SLC9A7: variants seen among roughly 807,000 people sequenced by gnomAD.
The protein encoded by SLC9A7 is sodium/hydrogen exchanger 7.
SLC9A7 carries 19 observed loss-of-function variants against 52.6 expected under a neutral mutation model. The ratio of observed to expected loss-of-function variants is 0.36; its 90% CI spans 0.25 to 0.53. SLC9A7 has a LOEUF of 0.53. Among genes scored for constraint, SLC9A7 ranks in the 20% least tolerant of loss-of-function variants. The pLI is 0.91. For synonymous variants in SLC9A7, 226 were observed against 252.1 expected, an observed-to-expected ratio of 0.90 and a Z score of 0.98; for missense variants, 455 against 597.9, an observed-to-expected ratio of 0.76 and a Z score of 2.49.
At chrX:46,758,625 A>G in intron 1 of SLC9A7, 80 bp downstream of exon 1, 1 of 603,852 alleles carries the variant, frequency 1.7e-6, no homozygotes, top group East Asian at 4.1e-5. Flanking sequence ...TGGCAAGTGA[A>G]GGGGGAGCAC....
At chrX:46,709,616 A>C (rs186492812) in intron 1 of SLC9A7, among the ~76,000 whole-genome samples, 99 of 111,762 alleles carry the variant, frequency 8.9e-4, no homozygotes, top group South Asian at 3.4e-3. Context: ...ACAACAACAA[A>C]AAAAAACCCT....
At chrX:46,672,726 T>C in intron 3 of SLC9A7, 99 bp from the exon 4 acceptor site, 1 of 585,503 alleles carries the variant, frequency 1.7e-6, no homozygotes, top group East Asian at 3.4e-5. Flanking sequence ...GGAACTCTAC[T>C]TACTGTTTCC....
At chrX:46,643,782 T>C (rs1943443646) in intron 11 of SLC9A7, among the ~76,000 whole-genome samples, 1 of 112,203 alleles carries the variant, frequency 8.9e-6, no homozygotes, top group African/African-American at 3.2e-5. Flanking sequence ...TACGAGTATG[T>C]CAAATTTGTG....
rs747973535 is a variant in SLC9A7 at position 46,739,919 on chromosome X, G to A, written c.325+18786C>T. Among the ~76,000 whole-genome samples, 4 of 111,527 alleles carry A rather than the reference G, an allele frequency of 3.6e-5. No homozygotes were observed. The South Asian group carries it at 1.5e-3, about 42-fold the overall frequency. ...AGACAATTGTCTTATTCATACCACT[G>A]GGGAGAATCATTCTGGCTCATTCAT... is the stretch of plus-strand genomic sequence containing the variant. On this transcript the variant is annotated intron_variant, in intron 1 of 16. Transcript: ENST00000616978.
chrX:46,653,487 G>A, intron 8 of SLC9A7, 122 bp downstream of exon 8: 4 of 438,454 alleles, frequency 9.1e-6, no homozygotes, highest in Non-Finnish European at 1.6e-5. Flanking sequence ...TCCTCCATAC[G>A]GACACTTGCT....
chrX:46,691,813 CT>C (rs1944384231), intron 1 of SLC9A7, among the ~76,000 whole-genome samples: 1 of 110,910 alleles, frequency 9.0e-6, no homozygotes, highest in South Asian at 3.8e-4. Context: ...CCATAACTTC[CT>C]TATTTGTCCC....
At chrX:46,738,553 T>C (rs1026241434) in intron 1 of SLC9A7, among the ~76,000 whole-genome samples, 4 of 112,127 alleles carry the variant, frequency 3.6e-5, no homozygotes, top group African/African-American at 1.3e-4. Flanking sequence ...GTGGATCACC[T>C]GAAGTCAGGA....
chrX:46,674,565 A>T (rs1944079213), intron 3 of SLC9A7, among the ~76,000 whole-genome samples: 1 of 111,605 alleles, frequency 9.0e-6, no homozygotes, highest in Non-Finnish European at 1.9e-5. Context: ...TTCAAGTCAC[A>T]CGTCCGCCAA....
At chrX:46,716,898 A>T (rs1317875136) in intron 1 of SLC9A7, among the ~76,000 whole-genome samples, 1 of 112,127 alleles carries the variant, frequency 8.9e-6, no homozygotes, top group Non-Finnish European at 1.9e-5. Flanking sequence ...TAAAGCCAGA[A>T]CTCTGACCAA....
intron 1 of SLC9A7, among the ~76,000 whole-genome samples, chrX:46,704,663 A>C (rs954574024): frequency 6.2e-5 from 7 of 112,300 alleles, no homozygotes; most frequent in Admixed American, 1.9e-4. Flanking sequence ...CTGCTTAATA[A>C]ATTTATTTTA....
chrX:46,713,140 T>C (rs773783005), intron 1 of SLC9A7, among the ~76,000 whole-genome samples: 12 of 112,411 alleles, frequency 1.1e-4, no homozygotes, highest in Non-Finnish European at 1.9e-4. Flanking sequence ...AGCTGTCAGA[T>C]GGCCCCTTAT....
At chrX:46,676,397 G>T (rs950524797) in intron 3 of SLC9A7, among the ~76,000 whole-genome samples, 1 of 111,988 alleles carries the variant, frequency 8.9e-6, no homozygotes, top group Admixed American at 9.5e-5. Flanking sequence ...TTACTGTAGT[G>T]TGAGAGCAGA....
intron 1 of SLC9A7, among the ~76,000 whole-genome samples, chrX:46,682,960 A>ATTTT (rs1169630244): frequency 9.2e-5 from 6 of 64,908 alleles, no homozygotes; most frequent in Non-Finnish European, 1.1e-4. Flanking sequence ...CACCCGGCTA[A>ATTTT]TTTTTTTTTT....
intron 1 of SLC9A7, among the ~76,000 whole-genome samples, chrX:46,750,366 A>G (rs1160005846): frequency 8.9e-6 from 1 of 111,932 alleles, no homozygotes; most frequent in Non-Finnish European, 1.9e-5. Flanking sequence ...TATTTTTTGG[A>G]GACAGGGTCT....
At chrX:46,728,246 T>C (rs1944975535) in intron 1 of SLC9A7, among the ~76,000 whole-genome samples, 1 of 111,218 alleles carries the variant, frequency 9.0e-6, no homozygotes, top group Admixed American at 9.6e-5. Flanking sequence ...AGGTAGAAAA[T>C]ATTGCATACT....
At chrX:46,654,619 C>T (rs925360100) in intron 7 of SLC9A7, among the ~76,000 whole-genome samples, 4 of 109,904 alleles carry the variant, frequency 3.6e-5, no homozygotes, top group African/African-American at 1.3e-4. Context: ...CCTGTGAGAC[C>T]CTGACCCCTG....
At chrX:46,740,640 A>G (rs1921275995) in intron 1 of SLC9A7, among the ~76,000 whole-genome samples, 1 of 111,389 alleles carries the variant, frequency 9.0e-6, no homozygotes, top group Non-Finnish European at 1.9e-5. Flanking sequence ...AAAGAAATCA[A>G]GAAGGCAACC....
chrX:46,704,100 C>T (rs1944570999), intron 1 of SLC9A7, among the ~76,000 whole-genome samples: 1 of 111,571 alleles, frequency 9.0e-6, no homozygotes, highest in Admixed American at 9.5e-5. Context: ...TCAGGTATGT[C>T]TCCTGAGCTC....
At chrX:46,702,835 G>A (rs6651860) in intron 1 of SLC9A7, among the ~76,000 whole-genome samples, 1,316 of 112,271 alleles carry the variant, frequency 0.012, 20 homozygotes, top group African/African-American at 0.041. Flanking sequence ...GTAGTTCTAA[G>A]TTCCTTGAGA....
Sources: allele counts gnomAD v4.1 joint callset (sites outside exome capture counted in the v4.1 genomes callset), GRCh38; gene constraint gnomAD v4.1.1; transcripts MANE v1.5; gene names NCBI Gene and HGNC (gene_info 2026-07-23, HGNC 2026-07-21).